Variants in ILDR2 observed in about 807,000 individuals in gnomAD.
ILDR2 encodes the protein immunoglobulin like domain containing receptor 2.
ILDR2 carries 25 observed loss-of-function variants against 66.8 expected under a neutral mutation model. That is an observed-to-expected ratio of 0.37 (90% CI 0.27 to 0.52). The LOEUF is 0.52. ILDR2 is among the 20% of genes least tolerant of loss of function. The pLI, the probability that ILDR2 is intolerant of heterozygous loss-of-function variation, is 0.88. For missense variants in ILDR2, 827 were observed against 876.8 expected (o/e 0.94, Z 0.72); for synonymous variants, 367 against 357.2 (o/e 1.03, Z -0.31).
At position 166,917,834 on chromosome 1, in the gene ILDR2, G is replaced by T. The variant is rs1659702599; in HGVS notation, c.*1521C>A. 6.6e-6 allele frequency: 1 copy of T among 152,212 alleles called. No homozygotes were observed. Among genetic ancestry groups the T allele is most frequent in the South Asian group, 2.1e-4 (1 of 4,822 alleles). 9.4% of individuals were successfully genotyped at this position (152,212 alleles called of 1,614,324 possible). A position where few individuals can be genotyped will look rare whatever the true frequency, so the allele number is the denominator to read the frequency against. ...GGAAGTTGACGGGCTGTCAGATAGG[G>T]TGACAAGGGTAACTGGGCCCTTTTC... On this transcript the variant is annotated 3_prime_UTR_variant, in exon 10 of 10. Coordinates refer to ENST00000271417, the MANE Select transcript of ILDR2 (RefSeq NM_199351.3).
At chr1:166,954,429 T>A (rs570373293) in intron 3 of ILDR2, among the ~76,000 whole-genome samples, 1 of 152,070 alleles carries the variant, frequency 6.6e-6, no homozygotes, top group Non-Finnish European at 1.5e-5. Flanking sequence ...CTCAGAAAAA[T>A]TTTTGTAGAT....
rs1375463597 is a variant in ILDR2 at position 166,913,389 on chromosome 1, T to G, written c.*5966A>C. 6.6e-6 allele frequency: 1 copy of G among 152,148 alleles called. No individual in the cohort carries two copies. 9.4% of individuals were successfully genotyped at this position (152,148 alleles called of 1,614,324 possible). Reference sequence around the variant, plus strand: ...CTTCTCACCCTTCTCTGTCCCACCCTCCTACTCCCTTGTTCTTTATTCTCA... The same window carrying G: ...CTTCTCACCCTTCTCTGTCCCACCCGCCTACTCCCTTGTTCTTTATTCTCA... On this transcript the variant is annotated 3_prime_UTR_variant, in exon 10 of 10. Transcript: ENST00000271417.
intron 9 of ILDR2, among the ~76,000 whole-genome samples, chr1:166,919,969 C>T (rs1226633494): frequency 1.3e-5 from 2 of 152,110 alleles, no homozygotes; most frequent in Non-Finnish European, 2.9e-5. Context: ...CTTGGTACCC[C>T]ACAGCGGACA....
Position 166,911,956 on chromosome 1 carries a change from T to C in ILDR2, c.*7399A>G, listed in dbSNP as rs1027821024. 6.6e-6 allele frequency: 1 copy of C among 151,898 alleles called. No individual in the cohort carries two copies. The highest frequency in any genetic ancestry group is 2.4e-5 in the African/African-American group (1 of 41,378). The allele number at this position is 151,898 out of a possible 1,614,324, so 9.4% of individuals were successfully genotyped here. On this transcript the variant is annotated 3_prime_UTR_variant, in exon 10 of 10. Transcript: ENST00000271417. ...GAGAGAGTTTAAAAAGAAGAGGAAA[T>C]ATTTGATGTGTTAATATAGCTGAGA...
chr1:166,898,990 G>A (rs1659216734), intron 2 of ILDR2, among the ~76,000 whole-genome samples: 1 of 152,088 alleles, frequency 6.6e-6, no homozygotes, highest in African/African-American at 2.4e-5. Context: ...AGCCTGGGAG[G>A]TAAAATCTGC....
rs943132178 is a variant in ILDR2 at position 166,913,086 on chromosome 1, T to A, written c.*6269A>T. On this transcript the variant is annotated 3_prime_UTR_variant, in exon 10 of 10. Coordinates refer to ENST00000271417, the MANE Select transcript of ILDR2 (RefSeq NM_199351.3). ...CCCACAATATGTATTCCTCTATTAC[T>A]GTACTTACAACAATCAGAGAAGGAC... The A allele has an allele frequency of 1.3e-5, 2 of 152,236 alleles. No homozygotes were observed. The allele number at this position is 152,236 out of a possible 1,614,324, so 9.4% of individuals were successfully genotyped here. A position where few individuals can be genotyped will look rare whatever the true frequency, so the allele number is the denominator to read the frequency against.
At chr1:166,898,439 C>T (rs1318588847) in intron 2 of ILDR2, among the ~76,000 whole-genome samples, 1 of 152,168 alleles carries the variant, frequency 6.6e-6, no homozygotes, top group Non-Finnish European at 1.5e-5. Context: ...GTGGTCTTCC[C>T]ACCCTGGCCC....
chr1:166,939,659 C>G, intron 3 of ILDR2, 89 bp from the exon 4 acceptor site: 1 of 1,029,882 alleles, frequency 9.7e-7, no homozygotes, highest in Non-Finnish European at 1.5e-6. Context: ...GTACCATCCA[C>G]ACGTGCGGCC....
rs958089825 is a variant in ILDR2 at position 166,909,324 on chromosome 1, G to A, written c.*10031C>T. 2 of 152,082 alleles carry A rather than the reference G, an allele frequency of 1.3e-5. No individual in the cohort carries two copies. The highest frequency in any genetic ancestry group is 1.3e-4 in the Admixed American group (2 of 15,268). The allele number at this position is 152,082 out of a possible 1,614,324, so 9.4% of individuals were successfully genotyped here. On this transcript the variant is annotated 3_prime_UTR_variant, in exon 10 of 10. Transcript: ENST00000271417. ...ATGTATTGATGTAAAAACACAAGTA[G>A]GTGTGGATGATGGACAGGGAATCTT...
Position 166,926,806 on chromosome 1 carries a change from C to T in ILDR2, c.994+261G>A, listed in dbSNP as rs1660324950. Reference sequence around the variant, plus strand: ...GGTTCTATCCATGGGGCATGGATAACACAGCCCCAGAAATACTGACTGCCC... The same window carrying T: ...GGTTCTATCCATGGGGCATGGATAATACAGCCCCAGAAATACTGACTGCCC... On this transcript the variant is annotated intron_variant, in intron 7 of 9. Coordinates refer to ENST00000271417, the MANE Select transcript of ILDR2 (RefSeq NM_199351.3). 2.0e-5 allele frequency among the ~76,000 whole-genome samples: 3 copies of T among 151,836 alleles called. No homozygotes were observed. In the South Asian group the frequency reaches 6.3e-4, roughly 32 times the overall value.
chr1:166,922,747 A>T lies in ILDR2; in HGVS notation c.1057T>A (p.Phe353Ile). The T allele has an allele frequency of 6.2e-7, 1 of 1,614,236 alleles. No homozygotes were observed. Among genetic ancestry groups the T allele is most frequent in the Non-Finnish European group, 8.5e-7 (1 of 1,180,046 alleles). Residue 353 changes from phenylalanine to isoleucine, a missense_variant, in exon 8 of 10, where the codon TTC becomes ATC. Around this residue, in one of 2 missense-constraint regions of ILDR2, gnomAD observed 437 missense variants for 523.2 expected, o/e 0.84. Transcript: ENST00000271417. ...AACTGCTTGCTTCTCATCTGATGGA[A>T]AGACTGGCGGAAATTGCTGTCCTCC... Reference protein sequence around the residue: ...HEEDSNFRQSFHQMRSKQFPV... With the variant: ...HEEDSNFRQSIHQMRSKQFPV...
At chr1:166,947,087 C>A (rs1164345891) in intron 3 of ILDR2, among the ~76,000 whole-genome samples, 1 of 152,160 alleles carries the variant, frequency 6.6e-6, no homozygotes, top group Non-Finnish European at 1.5e-5. Flanking sequence ...TCAACCTCCA[C>A]CCCCAGAGAG....
At chr1:166,945,372 A>G (rs1661556757) in intron 3 of ILDR2, among the ~76,000 whole-genome samples, 1 of 152,188 alleles carries the variant, frequency 6.6e-6, no homozygotes, top group Non-Finnish European at 1.5e-5. Flanking sequence ...CAAACTCTAG[A>G]GCTAAACACA....
intron 3 of ILDR2, among the ~76,000 whole-genome samples, chr1:166,940,770 G>A (rs1661266346): frequency 6.6e-6 from 1 of 152,176 alleles, no homozygotes; most frequent in Non-Finnish European, 1.5e-5. Flanking sequence ...CACAGCTCTG[G>A]TGATCTGTTT....
Position 166,908,380 on chromosome 1 carries a change from C to T in ILDR2, c.*10975G>A, listed in dbSNP as rs1659390022. 6.6e-6 allele frequency: 1 copy of T among 152,082 alleles called. No individual in the cohort carries two copies. The allele number at this position is 152,082 out of a possible 1,614,324, so 9.4% of individuals were successfully genotyped here. A position where few individuals can be genotyped will look rare whatever the true frequency, so the allele number is the denominator to read the frequency against. On this transcript the variant is annotated 3_prime_UTR_variant, in exon 10 of 10. Transcript: ENST00000271417. ...TCTCTTCTTATAAGGACACTAATTC[C>T]ATCATAAGAGCTCCACCCTACTGAC...
chr1:166,897,135 T>C (rs1659182108), intron 2 of ILDR2, among the ~76,000 whole-genome samples: 1 of 152,060 alleles, frequency 6.6e-6, no homozygotes, highest in Admixed American at 6.6e-5. Context: ...GGTGGGAAAA[T>C]ACAACTAGCA....
At chr1:166,947,055 C>G (rs963038487) in intron 3 of ILDR2, among the ~76,000 whole-genome samples, 2 of 152,178 alleles carry the variant, frequency 1.3e-5, no homozygotes, top group African/African-American at 4.8e-5. Flanking sequence ...AGTAATCTGA[C>G]TTCACAAAGT....
chr1:166,939,407 T>C (rs1046173178), intron 4 of ILDR2, 107 bp downstream of exon 4: 10 of 898,188 alleles, frequency 1.1e-5, no homozygotes, highest in Admixed American at 1.9e-5. Flanking sequence ...CAGAGACATA[T>C]AGACAAATGT....
At chr1:166,970,037 G>A (rs1663189943) in intron 1 of ILDR2, among the ~76,000 whole-genome samples, 1 of 152,184 alleles carries the variant, frequency 6.6e-6, no homozygotes, top group South Asian at 2.1e-4. Context: ...AACATCGGGA[G>A]AAAGAAGGCA....
Sources: allele counts gnomAD v4.1 joint callset (sites outside exome capture counted in the v4.1 genomes callset), GRCh38; gene constraint gnomAD v4.1.1; regional missense constraint gnomAD v4.1.1; transcripts MANE v1.5; gene names NCBI Gene and HGNC (gene_info 2026-07-23, HGNC 2026-07-21).